PIK3C3: variants seen among roughly 807,000 people sequenced by gnomAD.
PIK3C3 encodes phosphatidylinositol 3-kinase catalytic subunit type 3, also known as PI3-kinase type 3.
A neutral mutation model predicts 126.1 loss-of-function variants in PIK3C3; 95 were observed. That is an observed-to-expected ratio of 0.75 (90% CI 0.64 to 0.89). PIK3C3 has a LOEUF of 0.89. Ranked by LOEUF, PIK3C3 falls within the 40% of genes least tolerant of loss-of-function variation. The pLI, the probability that PIK3C3 is intolerant of heterozygous loss-of-function variation, is 0.00. For missense variants in PIK3C3, 829 were observed against 1,063.2 expected (o/e 0.78, Z 3.06); for synonymous variants, 374 against 360.0 (o/e 1.04, Z -0.44).
chr18:41,975,810 C>T (rs1240274786), intron 4 of PIK3C3, among the ~76,000 whole-genome samples: 1 of 151,740 alleles, frequency 6.6e-6, no homozygotes, highest in Admixed American at 6.6e-5. Flanking sequence ...TGCCATTCTC[C>T]TGCCTCAGCC....
At chr18:41,974,330 A>G (rs1980811656) in intron 4 of PIK3C3, among the ~76,000 whole-genome samples, 1 of 152,152 alleles carries the variant, frequency 6.6e-6, no homozygotes, top group Non-Finnish European at 1.5e-5. Flanking sequence ...CAAGTTTGAG[A>G]GTTTTTAAAA....
At chr18:41,992,518 A>G (rs1459422401) in intron 6 of PIK3C3, among the ~76,000 whole-genome samples, 1 of 152,216 alleles carries the variant, frequency 6.6e-6, no homozygotes, top group Non-Finnish European at 1.5e-5. Context: ...ATATACAGTC[A>G]TGAGAAAGTG....
At chr18:42,011,175 TGA>T (rs1982806421) in intron 10 of PIK3C3, among the ~76,000 whole-genome samples, 1 of 152,202 alleles carries the variant, frequency 6.6e-6, no homozygotes, top group Non-Finnish European at 1.5e-5. Context: ...CTAGGACTTC[TGA>T]AATGACGAAT....
At chr18:42,029,126 C>T (rs1983704239) in intron 14 of PIK3C3, among the ~76,000 whole-genome samples, 199 bp from the exon 15 acceptor site, 1 of 152,092 alleles carries the variant, frequency 6.6e-6, no homozygotes, top group South Asian at 2.1e-4. Context: ...AGATAATTTT[C>T]GATTGTGGAT....
intron 2 of PIK3C3, among the ~76,000 whole-genome samples, chr18:41,960,847 A>G (rs113652054): frequency 0.011 from 1,688 of 151,782 alleles, 32 homozygotes; most frequent in African/African-American, 0.039. Flanking sequence ...GGTTCAAGCA[A>G]TCTCCTGCCT....
chr18:41,970,852 A>G, intron 4 of PIK3C3: 1 of 234,538 alleles, frequency 4.3e-6, no homozygotes, highest in Non-Finnish European at 8.3e-6. Context: ...ATGTGACCTT[A>G]TGTCTGGAAA....
At position 42,074,995 on chromosome 18, in the gene PIK3C3, A is replaced by G. The variant is rs543608632; in HGVS notation, c.2650-6128A>G. 3.9e-5 allele frequency among the ~76,000 whole-genome samples: 6 copies of G among 152,324 alleles called. No individual in the cohort carries two copies. In the South Asian group the frequency reaches 1.2e-3, roughly 32 times the overall value. Reference sequence around the variant, plus strand: ...AGCCATGTACAAAGGTAAAAAGTTCATATCACTCAGTATATGTAATTCATA... The same window carrying G: ...AGCCATGTACAAAGGTAAAAAGTTCGTATCACTCAGTATATGTAATTCATA... On this transcript the variant is annotated intron_variant, in intron 24 of 24. Transcript: ENST00000262039.
chr18:41,991,009 T>C (rs1981749187), intron 6 of PIK3C3, among the ~76,000 whole-genome samples: 1 of 152,188 alleles, frequency 6.6e-6, no homozygotes, highest in Admixed American at 6.5e-5. Flanking sequence ...ACTTCAGAAA[T>C]GTCCATTTGT....
intron 9 of PIK3C3, among the ~76,000 whole-genome samples, chr18:42,003,213 T>C (rs368493269): frequency 2.0e-5 from 3 of 152,326 alleles, no homozygotes; most frequent in African/African-American, 7.2e-5. Context: ...AATTATGTTT[T>C]GTTGTCCAAG....
At chr18:41,980,238 A>G (rs999405678) in intron 4 of PIK3C3, among the ~76,000 whole-genome samples, 5 of 152,160 alleles carry the variant, frequency 3.3e-5, no homozygotes, top group African/African-American at 9.6e-5. Flanking sequence ...AGAAATATCT[A>G]TACTTGGTTA....
chr18:41,996,905 C>T (rs910259384), intron 9 of PIK3C3, among the ~76,000 whole-genome samples, 175 bp downstream of exon 9: 1 of 152,078 alleles, frequency 6.6e-6, no homozygotes, highest in South Asian at 2.1e-4. Flanking sequence ...TACAAAGACA[C>T]CTGTACCTGT....
intron 15 of PIK3C3, among the ~76,000 whole-genome samples, chr18:42,032,335 C>A (rs1297253177): frequency 1.3e-5 from 2 of 152,152 alleles, no homozygotes; most frequent in African/African-American, 4.8e-5. Flanking sequence ...CCTTGTAAAT[C>A]ATTATAGTCA....
chr18:42,038,300 A>G (rs1266633383), intron 17 of PIK3C3, among the ~76,000 whole-genome samples: 1 of 152,104 alleles, frequency 6.6e-6, no homozygotes, highest in African/African-American at 2.4e-5. Flanking sequence ...GCATACCGTC[A>G]TCTAAGTCCT....
chr18:41,963,826 C>CTT (rs71370022), intron 3 of PIK3C3, among the ~76,000 whole-genome samples: 4 of 134,104 alleles, frequency 3.0e-5, no homozygotes, highest in African/African-American at 8.3e-5. Flanking sequence ...AAATTCTTTG[C>CTT]TTTTTTTTTT....
At chr18:41,971,972 C>T (rs1471932801) in intron 4 of PIK3C3, among the ~76,000 whole-genome samples, 2 of 151,860 alleles carry the variant, frequency 1.3e-5, no homozygotes, top group Non-Finnish European at 2.9e-5. Context: ...TAATTTTTTT[C>T]CCTAATTCTT....
intron 17 of PIK3C3, among the ~76,000 whole-genome samples, chr18:42,038,460 G>C (rs1984157895): frequency 6.6e-6 from 1 of 151,888 alleles, no homozygotes; most frequent in Non-Finnish European, 1.5e-5. Flanking sequence ...TCCTGCCTCA[G>C]CCTCCCGAGT....
chr18:42,045,799 T>C (rs1598928223), intron 20 of PIK3C3, among the ~76,000 whole-genome samples: 2 of 152,218 alleles, frequency 1.3e-5, no homozygotes, highest in Non-Finnish European at 2.9e-5. Context: ...TGAGGTGTTT[T>C]ATATACCCCC....
intron 5 of PIK3C3, 30 bp from the exon 6 acceptor site, chr18:41,990,429 A>C: frequency 1.6e-6 from 2 of 1,253,040 alleles, no homozygotes; most frequent in Non-Finnish European, 2.3e-6. Context: ...GAAAATAATC[A>C]TTTTTCATGA....
In PIK3C3 at chr18:42,084,585, C is replaced by CAAAAAAAAAAAAAA. The variant is rs58697677; in HGVS notation, c.*3456_*3469dup. ...TAGTATAGAGTAGCTAAAAACAAAC[C>CAAAAAAAAAAAAAA]AAAAAAAAAAAAAAAAAAAAAGGAA... On this transcript the variant is annotated 3_prime_UTR_variant, in exon 25 of 25. Coordinates refer to ENST00000262039, the MANE Select transcript of PIK3C3 (RefSeq NM_002647.4). The CAAAAAAAAAAAAAA allele has an allele frequency of 2.1e-5, 2 of 96,710 alleles. No individual in the cohort carries two copies. The highest frequency in any genetic ancestry group is 3.1e-4 in the East Asian group (1 of 3,234). The allele number at this position is 96,710 out of a possible 1,614,324, so 6.0% of individuals were successfully genotyped here.
Sources: allele counts gnomAD v4.1 joint callset (sites outside exome capture counted in the v4.1 genomes callset), GRCh38; gene constraint gnomAD v4.1.1; transcripts MANE v1.5; gene names NCBI Gene and HGNC (gene_info 2026-07-23, HGNC 2026-07-21).